Variants in CD9 observed in about 807,000 individuals in gnomAD.
CD9 encodes CD9 molecule, also known as CD9 antigen.
Under a neutral mutation model 31.4 loss-of-function variants are expected in CD9, and 10 were observed. That is an observed-to-expected ratio of 0.32 (90% confidence interval 0.20 to 0.54). The LOEUF is 0.54. Ranked by LOEUF, CD9 falls within the 20% of genes least tolerant of loss-of-function variation. CD9 has a pLI of 0.94. For missense variants in CD9, 259 were observed against 300.1 expected (o/e 0.86, Z 1.01); for synonymous variants, 113 against 114.1 (o/e 0.99, Z 0.06).
intron 1 of CD9, among the ~76,000 whole-genome samples, chr12:6,204,858 C>T (rs1355128751): frequency 6.6e-6 from 1 of 152,220 alleles, no homozygotes; most frequent in Non-Finnish European, 1.5e-5. Flanking sequence ...CCCTCCCAAT[C>T]CACACACTGG....
chr12:6,227,759 A>G (rs955424770), intron 2 of CD9, among the ~76,000 whole-genome samples: 1 of 152,160 alleles, frequency 6.6e-6, no homozygotes, highest in Non-Finnish European at 1.5e-5. Flanking sequence ...CTCTGTAGGA[A>G]TGGAAGAGGT....
intron 1 of CD9, chr12:6,206,175 G>A (rs1946129227): frequency 6.9e-6 from 1 of 145,434 alleles, no homozygotes. Context: ...AAAAAAAAAT[G>A]CAGGGGAATA....
At chr12:6,208,184 A>T (rs1285137569) in intron 1 of CD9, among the ~76,000 whole-genome samples, 1 of 151,140 alleles carries the variant, frequency 6.6e-6, no homozygotes, top group Non-Finnish European at 1.5e-5. Context: ...AAATCGTGCC[A>T]TTGCACTCCA....
At chr12:6,210,275 G>C (rs1043380905) in intron 1 of CD9, among the ~76,000 whole-genome samples, 1 of 152,212 alleles carries the variant, frequency 6.6e-6, no homozygotes, top group African/African-American at 2.4e-5. Flanking sequence ...CCCGTCTATG[G>C]ACACAATGCC....
At chr12:6,221,343 C>T (rs1017117467) in intron 1 of CD9, among the ~76,000 whole-genome samples, 12 of 152,274 alleles carry the variant, frequency 7.9e-5, no homozygotes, top group Admixed American at 2.0e-4. Context: ...CTCCTGCATC[C>T]CCGCATCCCC....
At position 6,200,421 on chromosome 12, in the gene CD9, G is replaced by GCGCCAGGTCC; in HGVS notation, c.-72_-63dup. 1.1e-6 allele frequency: 1 copy of GCGCCAGGTCC among 914,298 alleles called. No homozygotes were observed. Among genetic ancestry groups the GCGCCAGGTCC allele is most frequent in the South Asian group, 1.3e-5 (1 of 74,676 alleles). The allele number at this position is 914,298 out of a possible 1,614,324, so 56.6% of individuals were successfully genotyped here. ...CTACAGCCGCCTGCATCTGTATCCA[G>GCGCCAGGTCC]CGCCAGGTCCCGCCAGTCCCAGCTG... On this transcript the variant is annotated 5_prime_UTR_variant, in exon 1 of 8. Transcript: ENST00000009180.
chr12:6,234,377 G>A (rs1946489280), intron 4 of CD9: 1 of 152,106 alleles, frequency 6.6e-6, no homozygotes, highest in Non-Finnish European at 1.5e-5. Context: ...GTGAGAAACA[G>A]GGAAGAGTAG....
chr12:6,207,800 G>A (rs1042678921), intron 1 of CD9, among the ~76,000 whole-genome samples: 3 of 152,246 alleles, frequency 2.0e-5, no homozygotes, highest in African/African-American at 7.2e-5. Flanking sequence ...TCCCGGTAGA[G>A]AGAAGTTTGG....
At chr12:6,206,611 A>G (rs925250101) in intron 1 of CD9, among the ~76,000 whole-genome samples, 1 of 152,196 alleles carries the variant, frequency 6.6e-6, no homozygotes, top group African/African-American at 2.4e-5. Context: ...GTCCAGGGAC[A>G]TTCTCATTTT....
chr12:6,236,971 C>CT (rs1208098413), intron 7 of CD9, among the ~76,000 whole-genome samples: 6 of 152,096 alleles, frequency 3.9e-5, no homozygotes, highest in African/African-American at 1.4e-4. Flanking sequence ...ACAATACCTT[C>CT]TTTTTTTTCT....
At chr12:6,224,466 C>T (rs180743991) in intron 1 of CD9, among the ~76,000 whole-genome samples, 8 of 152,152 alleles carry the variant, frequency 5.3e-5, no homozygotes, top group African/African-American at 1.7e-4. Context: ...ACTGCCATAT[C>T]GTAAGGGAAA....
intron 1 of CD9, among the ~76,000 whole-genome samples, chr12:6,207,177 C>A (rs1946142189): frequency 6.6e-6 from 1 of 152,186 alleles, no homozygotes; most frequent in Non-Finnish European, 1.5e-5. Flanking sequence ...CCACCACGCC[C>A]AGCCTGAGCT....
chr12:6,235,384 CAG>C, intron 5 of CD9, 57 bp downstream of exon 5: 1 of 1,614,134 alleles, frequency 6.2e-7, no homozygotes, highest in Non-Finnish European at 8.5e-7. Context: ...TGTCTGCACA[CAG>C]GGTGCTGACT....
Position 6,233,472 on chromosome 12 carries a change from T to C in CD9, c.334T>C (p.Ser112Pro). The C allele has an allele frequency of 6.2e-7, 1 of 1,613,650 alleles. No homozygotes were observed. ...AATAGCTGCGGCCATCTGGGGATAT[T>C]CCCACAAGGATGAGGTAGGTTTTTC... ...IEIAAAIWGY[S>P]HKDEVIKEVQ... The change falls in exon 4 of 8, where the codon TCC becomes CCC. Residue 112 changes from serine to proline, a missense_variant. Physicochemically the swap from Ser to Pro is moderately conservative, Grantham distance 74 (BLOSUM62 -1). Coordinates refer to ENST00000009180, the MANE Select transcript of CD9 (RefSeq NM_001769.4).
chr12:6,223,261 CTTTTTT>C (rs11307227), intron 1 of CD9, among the ~76,000 whole-genome samples: 1 of 133,220 alleles, frequency 7.5e-6, no homozygotes, highest in Non-Finnish European at 1.6e-5. Context: ...CACCTTTGTA[CTTTTTT>C]TTTTTTTTTT....
In CD9 at chr12:6,232,400, A is replaced by T; in HGVS notation, c.176-232A>T. 1 of 594,826 alleles carries T rather than the reference A, an allele frequency of 1.7e-6. No individual in the cohort carries two copies. The highest frequency in any genetic ancestry group is 1.9e-5 in the South Asian group (1 of 51,720). The allele number at this position is 594,826 out of a possible 1,614,324, so 36.8% of individuals were successfully genotyped here. The stretch of plus-strand genomic sequence containing the variant: ...CCAGAAGGGCTGAGGGTAAGGTAGG[A>T]GCGTGAGCTTGATGAAGCAGAGTCA... On this transcript the variant is annotated intron_variant, in intron 2 of 7. Transcript: ENST00000009180. The surrounding 1 kb of genome is among the most constrained non-coding windows in gnomAD (Gnocchi z 4.8).
intron 1 of CD9, among the ~76,000 whole-genome samples, chr12:6,216,982 C>A (rs1034294881): frequency 2.0e-5 from 3 of 152,176 alleles, no homozygotes; most frequent in Non-Finnish European, 4.4e-5. Context: ...TTATTTAATC[C>A]TCTCCTTCAA....
At chr12:6,213,452 G>A (rs1946212244) in intron 1 of CD9, among the ~76,000 whole-genome samples, 1 of 152,250 alleles carries the variant, frequency 6.6e-6, no homozygotes, top group Admixed American at 6.5e-5. Context: ...GGAAGCGCCT[G>A]TAAGAATGCC....
chr12:6,232,136 A>G lies in CD9; in HGVS notation c.176-496A>G, dbSNP rs1336735302. 1 of 172,580 alleles carries G rather than the reference A, an allele frequency of 5.8e-6. No individual in the cohort carries two copies. The highest frequency in any genetic ancestry group is 1.3e-5 in the Non-Finnish European group (1 of 79,348). The allele number at this position is 172,580 out of a possible 1,614,324, so 10.7% of individuals were successfully genotyped here. The stretch of plus-strand genomic sequence containing the variant: ...GGAACAGGCAGAGTTGGTTCCCCCC[A>G]CCCCTGGGTAGGGGGGTGCCTAGGT... On this transcript the variant is annotated intron_variant, in intron 2 of 7. Transcript: ENST00000009180. The surrounding 1 kb of genome is among the most constrained non-coding windows in gnomAD (Gnocchi z 4.8).
Sources: gnomAD v4.1 joint callset for allele counts (sites outside exome capture counted in the v4.1 genomes callset) on GRCh38, gnomAD v4.1.1 for gene constraint, Gnocchi (gnomAD v3.1) non-coding constraint, MANE v1.5 for transcripts, NCBI Gene and HGNC (gene_info 2026-07-23, HGNC 2026-07-21) for gene names.